FSHR: variants seen among roughly 807,000 people sequenced by gnomAD.
FSHR encodes the protein follicle-stimulating hormone receptor.
Under a neutral mutation model 52.1 loss-of-function variants are expected in FSHR, and 46 were observed. That is an observed-to-expected ratio of 0.88 (90% CI 0.70 to 1.13). The LOEUF is 1.13. FSHR is among the 50% of genes most tolerant of loss of function. The probability of loss-of-function intolerance (pLI) is 0.00; values close to 1 mark genes in which losing one functional copy is unlikely to be tolerated. For missense variants in FSHR, 964 were observed against 834.6 expected, an observed-to-expected ratio of 1.16 and a Z score of -1.91; for synonymous variants, 399 against 309.6, an observed-to-expected ratio of 1.29 and a Z score of -3.03.
chr2:49,154,436 C>A lies in FSHR; in HGVS notation c.-19G>T, dbSNP rs1409951651. 1 of 1,611,674 alleles carries A rather than the reference C, an allele frequency of 6.2e-7. No individual in the cohort carries two copies. Among genetic ancestry groups the A allele is most frequent in the East Asian group, 2.2e-5 (1 of 44,852 alleles). ...GGGCCATAATTATGCATCCATCCAC[C>A]TGATTTCTTCCTGCATTTGCAGAGA... On this transcript the variant is annotated 5_prime_UTR_variant, in exon 1 of 10. In the 5' UTR this introduces an upstream ATG that the reference lacks. Transcript: ENST00000406846.
At chr2:49,130,140 C>T (rs1457153196) in intron 1 of FSHR, among the ~76,000 whole-genome samples, 1 of 152,154 alleles carries the variant, frequency 6.6e-6, no homozygotes. Flanking sequence ...CTTTGTGCCT[C>T]AGTAGCTTTT....
chr2:49,101,658 G>T (rs1194435735), intron 1 of FSHR, among the ~76,000 whole-genome samples: 1 of 152,080 alleles, frequency 6.6e-6, no homozygotes, highest in Non-Finnish European at 1.5e-5. Context: ...TCCATTGTCT[G>T]TTGCTTATAA....
chr2:49,145,568 T>A (rs1672840778), intron 1 of FSHR, among the ~76,000 whole-genome samples: 1 of 152,090 alleles, frequency 6.6e-6, no homozygotes, highest in Admixed American at 6.6e-5. Flanking sequence ...TCACAATCTA[T>A]GATTTCAGAT....
chr2:49,076,788 C>A (rs1669964681), intron 1 of FSHR, among the ~76,000 whole-genome samples: 1 of 152,054 alleles, frequency 6.6e-6, no homozygotes, highest in Non-Finnish European at 1.5e-5. Context: ...AGAAAGTGGC[C>A]AAAACAAATT....
chr2:49,024,819 T>C (rs1667864875), intron 2 of FSHR, among the ~76,000 whole-genome samples: 1 of 152,186 alleles, frequency 6.6e-6, no homozygotes, highest in Non-Finnish European at 1.5e-5. Flanking sequence ...AATTTTTCTT[T>C]TGTTGTTAAT....
intron 4 of FSHR, among the ~76,000 whole-genome samples, chr2:49,015,821 G>C (rs1558391144): frequency 1.3e-5 from 2 of 152,128 alleles, no homozygotes; most frequent in South Asian, 4.1e-4. Flanking sequence ...AGAGCCTCTT[G>C]TTTAAGCATT....
chr2:49,050,713 T>C (rs1228670228), intron 2 of FSHR, among the ~76,000 whole-genome samples: 1 of 152,184 alleles, frequency 6.6e-6, no homozygotes, highest in Non-Finnish European at 1.5e-5. Context: ...TTAAAACACC[T>C]GTCCCAGAAT....
chr2:49,014,357 T>G (rs1572634550), intron 4 of FSHR, among the ~76,000 whole-genome samples: 1 of 152,244 alleles, frequency 6.6e-6, no homozygotes, highest in South Asian at 2.1e-4. Flanking sequence ...GATACAGGAC[T>G]GAGGACTACT....
chr2:49,092,267 T>C (rs1670641296), intron 1 of FSHR, among the ~76,000 whole-genome samples: 1 of 152,230 alleles, frequency 6.6e-6, no homozygotes, highest in Non-Finnish European at 1.5e-5. Flanking sequence ...AGCGTTTTTT[T>C]GGAGACCCAT....
At chr2:48,995,579 C>G (rs1469621337) in intron 4 of FSHR, among the ~76,000 whole-genome samples, 2 of 152,072 alleles carry the variant, frequency 1.3e-5, no homozygotes, top group Admixed American at 6.6e-5. Context: ...AAAGAAGAAG[C>G]ATGGTGTTAA....
intron 1 of FSHR, among the ~76,000 whole-genome samples, chr2:49,105,329 C>G (rs1378062761): frequency 6.6e-6 from 1 of 152,030 alleles, no homozygotes; most frequent in African/African-American, 2.4e-5. Context: ...GATAAACTCC[C>G]CTCCTTAGTT....
At chr2:49,063,992 T>G (rs1669411095) in intron 2 of FSHR, among the ~76,000 whole-genome samples, 1 of 151,866 alleles carries the variant, frequency 6.6e-6, no homozygotes, top group South Asian at 2.1e-4. Context: ...CAATTATGTG[T>G]CAATTAAAAA....
chr2:49,134,509 A>C (rs1461031980), intron 1 of FSHR, among the ~76,000 whole-genome samples: 1 of 152,224 alleles, frequency 6.6e-6, no homozygotes, highest in Non-Finnish European at 1.5e-5. Flanking sequence ...CAGTGTGGTG[A>C]TTCCTCAGGG....
chr2:48,999,290 G>A (rs918344601), intron 4 of FSHR, among the ~76,000 whole-genome samples: 4 of 151,924 alleles, frequency 2.6e-5, no homozygotes, highest in African/African-American at 7.3e-5. Context: ...CTTGGAGACA[G>A]GTACCCTTAC....
chr2:48,975,449 C>T (rs575197058), intron 8 of FSHR, among the ~76,000 whole-genome samples: 1 of 152,280 alleles, frequency 6.6e-6, no homozygotes, highest in South Asian at 2.1e-4. Flanking sequence ...CTCCCCAGTG[C>T]ATGTCTGTCT....
At chr2:48,985,964 C>T (rs182629655) in intron 6 of FSHR, among the ~76,000 whole-genome samples, 1 of 152,070 alleles carries the variant, frequency 6.6e-6, no homozygotes, top group African/African-American at 2.4e-5. Context: ...CCACCCGCCT[C>T]GGCCTCCCAA....
intron 1 of FSHR, among the ~76,000 whole-genome samples, chr2:49,130,976 A>G (rs1672243218): frequency 6.6e-6 from 1 of 152,178 alleles, no homozygotes. Context: ...TTAGTACAAA[A>G]AAATTGATAA....
intron 1 of FSHR, among the ~76,000 whole-genome samples, chr2:49,080,942 GCAGAGTTT>G (rs1670145486): frequency 6.6e-6 from 1 of 152,176 alleles, no homozygotes; most frequent in Admixed American, 6.5e-5. Flanking sequence ...CCACTACACT[GCAGAGTTT>G]GCCGAGAAGT....
intron 1 of FSHR, among the ~76,000 whole-genome samples, chr2:49,085,171 G>A (rs996049435): frequency 2.0e-5 from 3 of 152,018 alleles, no homozygotes; most frequent in Non-Finnish European, 4.4e-5. Flanking sequence ...TTCATCCCTG[G>A]GATGCAAGGC....
Sources: allele counts gnomAD v4.1 joint callset (sites outside exome capture counted in the v4.1 genomes callset), GRCh38; gene constraint gnomAD v4.1.1; transcripts MANE v1.5; gene names NCBI Gene and HGNC (gene_info 2026-07-23, HGNC 2026-07-21).